Variants in ACTL8 observed in about 807,000 individuals in gnomAD.
The protein encoded by ACTL8 is actin like 8, also known as actin-like protein 8.
In ACTL8, 3 loss-of-function variants were observed where a neutral mutation model predicts 9.3. The ratio of observed to expected loss-of-function variants is 0.32; its 90% CI spans 0.15 to 0.83. The LOEUF (loss-of-function observed/expected upper bound fraction) is 0.83. ACTL8 is among the 40% of genes least tolerant of loss of function. The pLI is 0.57. For synonymous variants in ACTL8, 224 were observed against 205.9 expected (o/e 1.09, Z -0.75); for missense variants, 381 against 492.2 (o/e 0.77, Z 2.14).
At chr1:17,756,604 G>A (rs1480938951) in intron 1 of ACTL8, among the ~76,000 whole-genome samples, 1 of 152,156 alleles carries the variant, frequency 6.6e-6, no homozygotes, top group Non-Finnish European at 1.5e-5. Context: ...ACTGTATGGT[G>A]TCCTTTCCTT....
intron 1 of ACTL8, among the ~76,000 whole-genome samples, chr1:17,812,271 T>C (rs2066398103): frequency 6.6e-6 from 1 of 152,214 alleles, no homozygotes; most frequent in African/African-American, 2.4e-5. Context: ...CCTTACCATA[T>C]ACACTTTAGA....
intron 1 of ACTL8, among the ~76,000 whole-genome samples, chr1:17,788,564 T>G (rs1450883218): frequency 6.6e-6 from 1 of 152,246 alleles, no homozygotes; most frequent in Non-Finnish European, 1.5e-5. Flanking sequence ...TTTCCAAGTT[T>G]GCATGCTTCA....
chr1:17,797,113 A>G (rs2066282869), intron 1 of ACTL8, among the ~76,000 whole-genome samples: 1 of 151,772 alleles, frequency 6.6e-6, no homozygotes, highest in Non-Finnish European at 1.5e-5. Flanking sequence ...TTAAGCAGAA[A>G]GAGCTCAGAC....
At chr1:17,818,332 A>G (rs2066441321) in intron 1 of ACTL8, among the ~76,000 whole-genome samples, 1 of 151,986 alleles carries the variant, frequency 6.6e-6, no homozygotes, top group Non-Finnish European at 1.5e-5. Context: ...GGCTACCCAC[A>G]CCTTTCACCT....
At chr1:17,788,074 C>G (rs1423853412) in intron 1 of ACTL8, among the ~76,000 whole-genome samples, 1 of 152,232 alleles carries the variant, frequency 6.6e-6, no homozygotes, top group African/African-American at 2.4e-5. Flanking sequence ...ATCCTTTGCT[C>G]ATTTCCCCGT....
At chr1:17,759,345 C>A (rs1358851752) in intron 1 of ACTL8, among the ~76,000 whole-genome samples, 2 of 152,232 alleles carry the variant, frequency 1.3e-5, no homozygotes, top group Admixed American at 1.3e-4. Context: ...CCTGCTCCTG[C>A]AGCACGTGCC....
intron 1 of ACTL8, among the ~76,000 whole-genome samples, chr1:17,819,893 C>T (rs1338754138): frequency 1.3e-5 from 2 of 151,958 alleles, no homozygotes; most frequent in Non-Finnish European, 2.9e-5. Context: ...CCTGTAGCCC[C>T]AGCTACCCAG....
intron 1 of ACTL8, among the ~76,000 whole-genome samples, chr1:17,789,388 C>T (rs538154416): frequency 2.0e-5 from 3 of 152,192 alleles, no homozygotes; most frequent in Non-Finnish European, 4.4e-5. Flanking sequence ...CCTCTCAGTG[C>T]CCCTTGCATG....
At chr1:17,800,583 C>CTTTTTTTTTTTTTTT (rs59143238) in intron 1 of ACTL8, among the ~76,000 whole-genome samples, 8 of 69,168 alleles carry the variant, frequency 1.2e-4, no homozygotes, top group African/African-American at 5.2e-4. Context: ...TGGTGTCAAT[C>CTTTTTTTTTTTTTTT]TTTTTTTTTT....
chr1:17,772,004 CAG>C (rs1032850441), intron 1 of ACTL8, among the ~76,000 whole-genome samples: 4 of 152,166 alleles, frequency 2.6e-5, no homozygotes, highest in African/African-American at 4.8e-5. Context: ...GAGACAGAGA[CAG>C]AAAGCAGGAG....
intron 1 of ACTL8, among the ~76,000 whole-genome samples, chr1:17,769,125 T>A (rs1233841687): frequency 6.6e-6 from 1 of 152,136 alleles, no homozygotes; most frequent in Non-Finnish European, 1.5e-5. Context: ...GCCTGGCCAA[T>A]ATTCTCCACT....
In ACTL8 at chr1:17,767,042, T is replaced by C. The variant is rs1439390762; in HGVS notation, c.-25+11538T>C. Among the ~76,000 whole-genome samples, 1 of 152,042 alleles carries C rather than the reference T, an allele frequency of 6.6e-6. No individual in the cohort carries two copies. The highest frequency in any genetic ancestry group is 1.9e-4 in the East Asian group (1 of 5,178). On this transcript the variant is annotated intron_variant, in intron 1 of 2. Coordinates refer to ENST00000375406, the MANE Select transcript of ACTL8 (RefSeq NM_030812.3). The surrounding 1 kb of genome is among the most constrained non-coding windows in gnomAD (Gnocchi z 4.7). ...AGGTTGGGAGAACTATGGAGAACAATGAATGGAACGGGAACAGAGAGTGAT... is the reference window on the plus strand; with the variant it reads ...AGGTTGGGAGAACTATGGAGAACAACGAATGGAACGGGAACAGAGAGTGAT...
intron 1 of ACTL8, among the ~76,000 whole-genome samples, chr1:17,793,722 CTGGTGATCTTCTGCTG>C (rs2066257866): frequency 6.6e-6 from 1 of 152,156 alleles, no homozygotes; most frequent in South Asian, 2.1e-4. Context: ...TCTGCCTACT[CTGGTGATCTTCTGCTG>C]TGGTGGCACC....
intron 1 of ACTL8, among the ~76,000 whole-genome samples, chr1:17,798,936 A>G (rs1330808915): frequency 6.6e-6 from 1 of 152,100 alleles, no homozygotes; most frequent in Non-Finnish European, 1.5e-5. Flanking sequence ...TATCTACCCC[A>G]CACGCTGTTT....
chr1:17,779,817 C>T (rs1408900403), intron 1 of ACTL8, among the ~76,000 whole-genome samples: 1 of 152,170 alleles, frequency 6.6e-6, no homozygotes, highest in East Asian at 1.9e-4. Flanking sequence ...TGTCTCATGG[C>T]CCTACCTGGA....
At chr1:17,788,517 C>A (rs981387609) in intron 1 of ACTL8, among the ~76,000 whole-genome samples, 1 of 152,354 alleles carries the variant, frequency 6.6e-6, no homozygotes, top group Admixed American at 6.5e-5. Flanking sequence ...CTGCCATGGA[C>A]GGCCTCATCC....
At chr1:17,790,307 A>G (rs1402653964) in intron 1 of ACTL8, among the ~76,000 whole-genome samples, 1 of 152,182 alleles carries the variant, frequency 6.6e-6, no homozygotes, top group African/African-American at 2.4e-5. Context: ...TTCACCTGCA[A>G]TGTGGTGAGC....
In ACTL8 at chr1:17,823,497, C is replaced by G; in HGVS notation, c.348+141C>G. ...GTGGCTTATGCCTGTAATCCCAACA[C>G]TTTGGGACTCCCAGGCAGGCAGATT... On this transcript the variant is annotated intron_variant, in intron 2 of 2. Coordinates refer to ENST00000375406, the MANE Select transcript of ACTL8 (RefSeq NM_030812.3). The surrounding 1 kb of genome is among the most constrained non-coding windows in gnomAD (Gnocchi z 5.3). 1 of 800,260 alleles carries G rather than the reference C, an allele frequency of 1.2e-6. No individual in the cohort carries two copies. Among genetic ancestry groups the G allele is most frequent in the Non-Finnish European group, 1.9e-6 (1 of 519,590 alleles). The allele number at this position is 800,260 out of a possible 1,614,324, so 49.6% of individuals were successfully genotyped here. A position where few individuals can be genotyped will look rare whatever the true frequency, so the allele number is the denominator to read the frequency against.
At chr1:17,759,472 C>T (rs747646617) in intron 1 of ACTL8, among the ~76,000 whole-genome samples, 5 of 152,240 alleles carry the variant, frequency 3.3e-5, no homozygotes, top group Non-Finnish European at 4.4e-5. Context: ...TGGCACCCTG[C>T]GGGGCAGATT....
Sources: gnomAD v4.1 joint callset for allele counts (sites outside exome capture counted in the v4.1 genomes callset) on GRCh38, gnomAD v4.1.1 for gene constraint, Gnocchi (gnomAD v3.1) non-coding constraint, MANE v1.5 for transcripts, NCBI Gene and HGNC (gene_info 2026-07-23, HGNC 2026-07-21) for gene names.